AFF1: variants seen among roughly 807,000 people sequenced by gnomAD.
AFF1 encodes ALF transcription elongation factor 1.
Under a neutral mutation model 121.7 loss-of-function variants are expected in AFF1, and 48 were observed. That is an observed-to-expected ratio of 0.39 (90% CI 0.31 to 0.50). AFF1 has a LOEUF of 0.50. Ranked by LOEUF, AFF1 falls within the 20% of genes least tolerant of loss-of-function variation. AFF1 has a pLI of 0.76. For missense variants in AFF1, 1,523 were observed against 1,511.7 expected, an observed-to-expected ratio of 1.01 and a Z score of -0.12; for synonymous variants, 613 against 563.0, an observed-to-expected ratio of 1.09 and a Z score of -1.26.
chr4:87,048,084 A>T (rs551762429), intron 4 of AFF1: 32 of 160,216 alleles, frequency 2.0e-4, no homozygotes, highest in Non-Finnish European at 4.0e-4. Context: ...TAAACCGTAA[A>T]AAAGTAAAAA....
At chr4:87,033,290 T>G (rs1215933129) in intron 2 of AFF1, among the ~76,000 whole-genome samples, 1 of 152,250 alleles carries the variant, frequency 6.6e-6, no homozygotes, top group Non-Finnish European at 1.5e-5. Context: ...TCCTGTTGCT[T>G]TTTGCTGCTG....
chr4:86,952,085 CTG>C (rs1185214233), intron 2 of AFF1, among the ~76,000 whole-genome samples: 2 of 152,116 alleles, frequency 1.3e-5, no homozygotes, highest in Non-Finnish European at 2.9e-5. Flanking sequence ...CTTTTGGCAA[CTG>C]TGGCATATTG....
chr4:87,052,463 G>A (rs1302379396), intron 4 of AFF1, among the ~76,000 whole-genome samples: 3 of 152,004 alleles, frequency 2.0e-5, no homozygotes, highest in African/African-American at 4.8e-5. Context: ...GAAATGAGGG[G>A]AGTATGGCTA....
At chr4:87,015,472 A>G (rs373735498) in intron 2 of AFF1, among the ~76,000 whole-genome samples, 1 of 152,226 alleles carries the variant, frequency 6.6e-6, no homozygotes, top group Admixed American at 6.5e-5. Flanking sequence ...TTGTCTGCTT[A>G]TCTTGTGACT....
intron 11 of AFF1, among the ~76,000 whole-genome samples, chr4:87,109,259 A>G (rs189125469): frequency 8.3e-4 from 126 of 152,332 alleles, no homozygotes; most frequent in Admixed American, 2.0e-3. Context: ...AGCAGTTCCA[A>G]TGGGGCATTA....
intron 2 of AFF1, among the ~76,000 whole-genome samples, chr4:86,985,709 T>G (rs1426304190): frequency 6.6e-6 from 1 of 151,776 alleles, no homozygotes; most frequent in Non-Finnish European, 1.5e-5. Flanking sequence ...AAAATGATAC[T>G]AAATAGCAAA....
intron 2 of AFF1, among the ~76,000 whole-genome samples, chr4:87,021,789 A>G (rs1727922432): frequency 6.6e-6 from 1 of 152,144 alleles, no homozygotes. Context: ...TGTGTGTTTG[A>G]TAAGTGATTT....
intron 8 of AFF1, among the ~76,000 whole-genome samples, chr4:87,095,449 G>A (rs1560620038): frequency 6.6e-6 from 1 of 152,164 alleles, no homozygotes; most frequent in Non-Finnish European, 1.5e-5. Flanking sequence ...CCTGTTGAAG[G>A]TCTATGTACC....
chr4:86,946,193 A>G (rs1427409914), intron 1 of AFF1, among the ~76,000 whole-genome samples: 2 of 151,982 alleles, frequency 1.3e-5, no homozygotes, highest in African/African-American at 2.4e-5. Context: ...TCTTTGCTCA[A>G]ATGTTGTGTT....
At chr4:86,989,796 A>G (rs1231441487) in intron 2 of AFF1, among the ~76,000 whole-genome samples, 1 of 152,224 alleles carries the variant, frequency 6.6e-6, no homozygotes, top group East Asian at 1.9e-4. Context: ...TCAGTGATAG[A>G]CGGGATAAAG....
At chr4:87,051,131 C>CT in intron 4 of AFF1, among the ~76,000 whole-genome samples, 1 of 152,326 alleles carries the variant, frequency 6.6e-6, no homozygotes. Flanking sequence ...AAAGACAGCT[C>CT]TTTCATTTTG....
At chr4:86,967,072 A>G (rs978526912) in intron 2 of AFF1, among the ~76,000 whole-genome samples, 1 of 152,046 alleles carries the variant, frequency 6.6e-6, no homozygotes, top group African/African-American at 2.4e-5. Context: ...CCTTCCTCCC[A>G]TCCCTGCTTC....
At chr4:87,002,472 C>T (rs1295988159) in intron 2 of AFF1, among the ~76,000 whole-genome samples, 5 of 135,602 alleles carry the variant, frequency 3.7e-5, no homozygotes, top group Non-Finnish European at 7.7e-5. Context: ...CACTGTGTTG[C>T]CCAGGCTGGA....
At chr4:87,073,955 A>G (rs139239024) in intron 4 of AFF1, among the ~76,000 whole-genome samples, 62 of 152,096 alleles carry the variant, frequency 4.1e-4, no homozygotes, top group Non-Finnish European at 7.5e-4. Context: ...TGAGAGACAG[A>G]GTAGAGTGCT....
intron 2 of AFF1, among the ~76,000 whole-genome samples, chr4:87,039,440 G>A (rs1181679450): frequency 1.3e-5 from 2 of 152,220 alleles, no homozygotes; most frequent in East Asian, 1.9e-4. Flanking sequence ...ATTCTGGCAC[G>A]TTTTAGCTTT....
At chr4:87,060,324 G>T (rs1720607595) in intron 4 of AFF1, among the ~76,000 whole-genome samples, 1 of 152,056 alleles carries the variant, frequency 6.6e-6, no homozygotes, top group Admixed American at 6.6e-5. Flanking sequence ...GCTTTCTTTT[G>T]TATTAAATAA....
At position 87,139,003 on chromosome 4, in the gene AFF1, T is replaced by G. The variant is rs541120518; in HGVS notation, c.*3302T>G. On this transcript the variant is annotated 3_prime_UTR_variant, in exon 21 of 21. Transcript: ENST00000395146. ...CTTGCCTTATTTGGTATCTTACACA[T>G]TAATGTTACTAGCATCAGGAGCTTA... 6.4e-4 allele frequency: 145 copies of G among 224,918 alleles called. No individual in the cohort carries two copies. The highest frequency in any genetic ancestry group is 1.0e-3 in the Non-Finnish European group (116 of 112,888). 13.9% of individuals were successfully genotyped at this position (224,918 alleles called of 1,614,324 possible). A position where few individuals can be genotyped will look rare whatever the true frequency, so the allele number is the denominator to read the frequency against.
In AFF1 at chr4:87,081,152, A is replaced by ATTTTTTTTTTTTTTTTT. The variant is rs549510832; in HGVS notation, c.1060-2957_1060-2941dup. 5.6e-5 allele frequency among the ~76,000 whole-genome samples: 5 copies of ATTTTTTTTTTTTTTTTT among 89,722 alleles called. 1 individual carries two copies. Among genetic ancestry groups the ATTTTTTTTTTTTTTTTT allele is most frequent in the African/African-American group, 2.2e-4 (5 of 22,708 alleles). 58.9% of individuals were successfully genotyped at this position (89,722 alleles called of 152,430 possible). On this transcript the variant is annotated intron_variant, in intron 4 of 20. Transcript: ENST00000395146. ...TTGTAGTTTTTCTCTAATGAAATGA[A>ATTTTTTTTTTTTTTTTT]TTTTTTTTTTTTTTTTTTTTTTTTT...
intron 1 of AFF1, among the ~76,000 whole-genome samples, chr4:86,936,798 C>T (rs967601709): frequency 1.3e-5 from 2 of 152,098 alleles, no homozygotes; most frequent in South Asian, 2.1e-4. Flanking sequence ...AAGTATTGTA[C>T]TTGAATATTT....
Sources: gnomAD v4.1 joint callset for allele counts (sites outside exome capture counted in the v4.1 genomes callset) on GRCh38, gnomAD v4.1.1 for gene constraint, MANE v1.5 for transcripts, NCBI Gene and HGNC (gene_info 2026-07-23, HGNC 2026-07-21) for gene names.